PCDH17: variants seen among roughly 807,000 people sequenced by gnomAD.
The protein encoded by PCDH17 is protocadherin-17.
Under a neutral mutation model 67.7 loss-of-function variants are expected in PCDH17, and 21 were observed. That is an observed-to-expected ratio of 0.31 (90% CI 0.22 to 0.45). The LOEUF is 0.45. Ranked by LOEUF, PCDH17 falls within the 20% of genes least tolerant of loss-of-function variation. The pLI is 1.00. For synonymous variants in PCDH17, 701 were observed against 656.7 expected, an observed-to-expected ratio of 1.07 and a Z score of -1.03; for missense variants, 1,471 against 1,564.8, an observed-to-expected ratio of 0.94 and a Z score of 1.01.
chr13:57,686,843 G>A (rs965941072), intron 3 of PCDH17, among the ~76,000 whole-genome samples: 1 of 151,838 alleles, frequency 6.6e-6, no homozygotes, highest in African/African-American at 2.4e-5. Flanking sequence ...TAAATAATTC[G>A]AAAACTTCTT....
Position 57,634,461 on chromosome 13 carries a change from G to A in PCDH17, c.1915G>A (p.Asp639Asn). The A allele has an allele frequency of 1.2e-6, 2 of 1,612,680 alleles. No individual in the cohort carries two copies. Among genetic ancestry groups the A allele is most frequent in the Non-Finnish European group, 1.7e-6 (2 of 1,179,936 alleles). Residue 639 changes from aspartate (D) to asparagine (N), a missense_variant, in exon 1 of 4, where the codon GAC (aspartate) becomes AAC (asparagine). This residue lies in a region of PCDH17 where 1,163 missense variants were observed against 1,230.0 expected (regional missense o/e 0.95). Coordinates refer to ENST00000377918, the MANE Select transcript of PCDH17 (RefSeq NM_001040429.3). This position sits in a 1 kb window ranked among gnomAD's most constrained non-coding sequence, Gnocchi z 7.8. ...DGNDDHLFEI[D>N]PSSGEIRTLH... ...CAACGACGACCACCTGTTTGAGATC[G>A]ACCCGTCCAGCGGCGAGATCCGCAC... is the stretch of plus-strand genomic sequence containing the variant.
At position 57,633,772 on chromosome 13, in the gene PCDH17, C is replaced by G; in HGVS notation, c.1226C>G (p.Ser409Cys). The change falls in exon 1 of 4, where the codon TCC (serine) becomes TGC (cysteine). Residue 409 changes from serine to cysteine, a missense_variant. Coordinates refer to ENST00000377918, the MANE Select transcript of PCDH17 (RefSeq NM_001040429.3). This position sits in a 1 kb window ranked among gnomAD's most constrained non-coding sequence, Gnocchi z 6.2. ...GGGGGCCTGGGCGGGCCCGGGGGTT[C>G]CGTCCCCTTCAAGCTTGAGGAGAAC... ...GGGGLGGPGG[S>C]VPFKLEENYD... The G allele has an allele frequency of 1.9e-6, 3 of 1,596,898 alleles. No homozygotes were observed. Among genetic ancestry groups the G allele is most frequent in the South Asian group, 2.2e-5 (2 of 90,260 alleles).
At position 57,632,656 on chromosome 13, in the gene PCDH17, A is replaced by T; in HGVS notation, c.110A>T (p.Asn37Ile). ...CAAGGGGCCGGCACGGTGATCGGGA[A>T]CATCGGCAGGGATGCTCGACTGCAG... ...EEQGAGTVIGNIGRDARLQPG... is the reference protein window; with the variant it reads ...EEQGAGTVIGIIGRDARLQPG... The change falls in exon 1 of 4, where the codon AAC becomes ATC. Residue 37 changes from asparagine to isoleucine, a missense_variant. This residue lies in a region of PCDH17 where 1,163 missense variants were observed against 1,230.0 expected (regional missense o/e 0.95). Transcript: ENST00000377918. 1 of 1,612,846 alleles carries T rather than the reference A, an allele frequency of 6.2e-7. No homozygotes were observed. The highest frequency in any genetic ancestry group is 8.5e-7 in the Non-Finnish European group (1 of 1,179,952).
At chr13:57,682,363 G>A (rs1484729822) in intron 3 of PCDH17, among the ~76,000 whole-genome samples, 1 of 151,636 alleles carries the variant, frequency 6.6e-6, no homozygotes, top group Non-Finnish European at 1.5e-5. Flanking sequence ...CCTCTCAGGT[G>A]GTCACATGTA....
chr13:57,711,622 T>C (rs1955776983), intron 3 of PCDH17, among the ~76,000 whole-genome samples: 1 of 151,804 alleles, frequency 6.6e-6, no homozygotes, highest in Admixed American at 6.6e-5. Context: ...ATAGCAAAGC[T>C]TGCTAATATT....
chr13:57,673,887 C>T (rs536369157), intron 3 of PCDH17, among the ~76,000 whole-genome samples: 7 of 120,912 alleles, frequency 5.8e-5, no homozygotes, highest in Admixed American at 1.5e-4. Context: ...AAATTCATCT[C>T]GGTTTATGTT....
In PCDH17 at chr13:57,634,969, C is replaced by G. The variant is rs777529923; in HGVS notation, c.2423C>G (p.Ser808Trp). ...FDYQTRLPLS[S>W]PRSEVMYLKP... ...TACCAGACCCGCCTGCCCCTCAGCT[C>G]GCCCCGGTCGGAGGTGATGTATCTC... The change falls in exon 1 of 4, where the codon TCG (serine) becomes TGG (tryptophan). Residue 808 changes from serine to tryptophan, a missense_variant. Around this residue, in one of 3 missense-constraint regions of PCDH17, gnomAD observed 1,163 missense variants for 1,230.0 expected, o/e 0.95. Coordinates refer to ENST00000377918, the MANE Select transcript of PCDH17 (RefSeq NM_001040429.3). The surrounding 1 kb of genome is among the most constrained non-coding windows in gnomAD (Gnocchi z 7.8). 21 of 1,613,762 alleles carry G rather than the reference C, an allele frequency of 1.3e-5. No individual in the cohort carries two copies. The highest frequency in any genetic ancestry group is 1.7e-5 in the Non-Finnish European group (20 of 1,180,014).
At position 57,694,611 on chromosome 13, in the gene PCDH17, A is replaced by T. The variant is rs373557210; in HGVS notation, c.2797+27778A>T. On this transcript the variant is annotated intron_variant, in intron 3 of 3. Transcript: ENST00000377918. Reference sequence around the variant, plus strand: ...ACACTTAACACTAGTTTCAGTTGCTAAAATAAACTATAAAATGGTAAATAT... The same window carrying T: ...ACACTTAACACTAGTTTCAGTTGCTTAAATAAACTATAAAATGGTAAATAT... Among the ~76,000 whole-genome samples, 20 of 151,400 alleles carry T rather than the reference A, an allele frequency of 1.3e-4. No individual in the cohort carries two copies. The South Asian group carries it at 3.3e-3, about 25-fold the overall frequency.
At chr13:57,708,593 C>T (rs1593943753) in intron 3 of PCDH17, among the ~76,000 whole-genome samples, 1 of 151,626 alleles carries the variant, frequency 6.6e-6, no homozygotes, top group Non-Finnish European at 1.5e-5. Context: ...GAAACACACA[C>T]AAATTAAACA....
chr13:57,692,471 G>A (rs1473533790), intron 3 of PCDH17, among the ~76,000 whole-genome samples: 1 of 151,166 alleles, frequency 6.6e-6, no homozygotes, highest in East Asian at 1.9e-4. Flanking sequence ...GTACTAAAAT[G>A]AATTAAGACG....
intron 3 of PCDH17, among the ~76,000 whole-genome samples, chr13:57,712,268 C>T (rs545242280): frequency 2.0e-4 from 30 of 151,774 alleles, no homozygotes; most frequent in African/African-American, 5.8e-4. Context: ...TACACATTCA[C>T]GGTTAGAGTG....
intron 3 of PCDH17, among the ~76,000 whole-genome samples, chr13:57,671,582 T>G (rs1955323578): frequency 6.6e-6 from 1 of 152,038 alleles, no homozygotes; most frequent in Non-Finnish European, 1.5e-5. Context: ...AGCAATAACT[T>G]TTTCTTCATG....
chr13:57,708,247 C>T (rs1010241039), intron 3 of PCDH17, among the ~76,000 whole-genome samples: 1 of 151,816 alleles, frequency 6.6e-6, no homozygotes, highest in Non-Finnish European at 1.5e-5. Context: ...ATTGAAAAGC[C>T]TTATTGTTGG....
chr13:57,709,345 G>A (rs1297482434), intron 3 of PCDH17, among the ~76,000 whole-genome samples: 4 of 151,458 alleles, frequency 2.6e-5, no homozygotes. Flanking sequence ...ATCCACTATT[G>A]CAGAAAATTA....
At chr13:57,656,377 T>A (rs1955103918) in intron 1 of PCDH17, among the ~76,000 whole-genome samples, 1 of 152,168 alleles carries the variant, frequency 6.6e-6, no homozygotes, top group Admixed American at 6.5e-5. Flanking sequence ...AATTTAATTA[T>A]ATCTAATTTT....
At chr13:57,692,844 C>T (rs1168145248) in intron 3 of PCDH17, among the ~76,000 whole-genome samples, 3 of 151,070 alleles carry the variant, frequency 2.0e-5, no homozygotes, top group Non-Finnish European at 4.5e-5. Flanking sequence ...TTATACATTT[C>T]ATATATTATG....
intron 1 of PCDH17, among the ~76,000 whole-genome samples, chr13:57,645,969 A>G (rs569537364): frequency 1.1e-4 from 16 of 151,716 alleles, no homozygotes; most frequent in African/African-American, 3.6e-4. Context: ...TCCATAAAGT[A>G]TAAATATTTA....
At position 57,634,796 on chromosome 13, in the gene PCDH17, G is replaced by T; in HGVS notation, c.2250G>T (p.Pro750=). Residue 750 remains proline, a synonymous_variant, in exon 1 of 4, where the codon CCG becomes CCT. Transcript: ENST00000377918. This position sits in a 1 kb window ranked among gnomAD's most constrained non-coding sequence, Gnocchi z 7.8. Reference sequence around the variant, plus strand: ...GCCGCATCGCCGAGTACAGCCACCCGCAGCTGGGTGGGGGCAAGGGCAAGA... The same window carrying T: ...GCCGCATCGCCGAGTACAGCCACCCTCAGCTGGGTGGGGGCAAGGGCAAGA... ...YNCRIAEYSH[P]QLGGGKGKKK... is the part of the protein sequence containing the mutation. 1 of 1,613,996 alleles carries T rather than the reference G, an allele frequency of 6.2e-7. No individual in the cohort carries two copies. The highest frequency in any genetic ancestry group is 8.5e-7 in the Non-Finnish European group (1 of 1,179,988).
chr13:57,728,123 G>T lies in PCDH17; in HGVS notation c.*2829G>T, dbSNP rs1053428549. 6.6e-6 allele frequency: 1 copy of T among 152,456 alleles called. No homozygotes were observed. Among genetic ancestry groups the T allele is most frequent in the Non-Finnish European group, 1.5e-5 (1 of 67,974 alleles). 9.4% of individuals were successfully genotyped at this position (152,456 alleles called of 1,614,324 possible). On this transcript the variant is annotated 3_prime_UTR_variant, in exon 4 of 4. Transcript: ENST00000377918. ...AAGTTGGTGGTAATTCAGCAGTCAG[G>T]ACTCTAAGCTTTTATAGTTGAATTG...
Sources: allele counts gnomAD v4.1 joint callset (sites outside exome capture counted in the v4.1 genomes callset), GRCh38; gene constraint gnomAD v4.1.1; regional missense constraint gnomAD v4.1.1; non-coding constraint Gnocchi (gnomAD v3.1); transcripts MANE v1.5; gene names NCBI Gene and HGNC (gene_info 2026-07-23, HGNC 2026-07-21).